ADAMTS6: variants seen among roughly 807,000 people sequenced by gnomAD.
ADAMTS6 encodes the protein ADAM metallopeptidase with thrombospondin type 1 motif 6.
Under a neutral mutation model 144.3 loss-of-function variants are expected in ADAMTS6, and 23 were observed. The observed-to-expected ratio is 0.16, with a 90% CI of 0.11 to 0.23. The LOEUF (loss-of-function observed/expected upper bound fraction) is 0.23, where lower values mean the gene tolerates loss of function less well. ADAMTS6 is among the 10% of genes least tolerant of loss of function. ADAMTS6 has a pLI of 1.00. For synonymous variants in ADAMTS6, 444 were observed against 457.5 expected, an observed-to-expected ratio of 0.97 and a Z score of 0.38; for missense variants, 999 against 1,379.6, an observed-to-expected ratio of 0.72 and a Z score of 4.37.
chr5:65,450,157 G>C (rs963394316), intron 7 of ADAMTS6, among the ~76,000 whole-genome samples: 1 of 151,966 alleles, frequency 6.6e-6, no homozygotes, highest in Non-Finnish European at 1.5e-5. Flanking sequence ...GAATATTCCA[G>C]ACCACAAGAC....
chr5:65,323,712 G>A (rs955234047), intron 9 of ADAMTS6, among the ~76,000 whole-genome samples: 4 of 152,174 alleles, frequency 2.6e-5, no homozygotes, highest in Non-Finnish European at 1.5e-5. Context: ...CACGATGGTT[G>A]AACTAGTTTA....
chr5:65,370,396 G>C (rs113864982), intron 7 of ADAMTS6, among the ~76,000 whole-genome samples: 2 of 152,268 alleles, frequency 1.3e-5, no homozygotes, highest in East Asian at 3.9e-4. Context: ...GTCAGACAGC[G>C]CGCGCAGGTC....
intron 7 of ADAMTS6, among the ~76,000 whole-genome samples, chr5:65,379,542 C>CAT (rs1255371031): frequency 5.9e-5 from 9 of 152,172 alleles, no homozygotes; most frequent in African/African-American, 2.2e-4. Context: ...TGCCTGTGTG[C>CAT]ATATTCTGTT....
chr5:65,416,118 G>T (rs769536199), intron 7 of ADAMTS6: 3 of 192,166 alleles, frequency 1.6e-5, no homozygotes, highest in Non-Finnish European at 3.3e-5. Context: ...GAAGGAGACT[G>T]TATTCACCAA....
At chr5:65,338,764 G>A (rs1363410677) in intron 7 of ADAMTS6, among the ~76,000 whole-genome samples, 2 of 152,176 alleles carry the variant, frequency 1.3e-5, no homozygotes, top group Non-Finnish European at 2.9e-5. Flanking sequence ...CCAGGCCTAA[G>A]AAACAGCCGT....
intron 14 of ADAMTS6, among the ~76,000 whole-genome samples, chr5:65,244,632 A>C (rs1029717781): frequency 6.6e-6 from 1 of 152,148 alleles, no homozygotes; most frequent in Non-Finnish European, 1.5e-5. Context: ...GGATCTTTAG[A>C]TATATTATCT....
In ADAMTS6 at chr5:65,235,537, G is replaced by A. The variant is rs190431590; in HGVS notation, c.1933+6567C>T. On this transcript the variant is annotated intron_variant, in intron 15 of 24. Transcript: ENST00000381055. ...GGCAGACCCACCCTTAATCTGGTTG[G>A]GCACAATCTAATCAGCTGCTAGCTA... Among the ~76,000 whole-genome samples, 290 of 152,146 alleles carry A rather than the reference G, an allele frequency of 1.9e-3. 2 individuals are homozygous for A. The highest frequency in any genetic ancestry group is 6.6e-3 in the African/African-American group (276 of 41,506).
intron 11 of ADAMTS6, among the ~76,000 whole-genome samples, chr5:65,277,750 C>T (rs1316099972): frequency 6.6e-6 from 1 of 152,100 alleles, no homozygotes; most frequent in East Asian, 1.9e-4. Flanking sequence ...AATCTCTATC[C>T]TTGTCTGCTA....
chr5:65,186,722 G>C (rs1454463858), intron 22 of ADAMTS6, among the ~76,000 whole-genome samples: 1 of 152,130 alleles, frequency 6.6e-6, no homozygotes, highest in African/African-American at 2.4e-5. Context: ...TAATACCAAG[G>C]ATATCTCTAC....
intron 7 of ADAMTS6, among the ~76,000 whole-genome samples, chr5:65,400,350 A>G (rs1207476495): frequency 2.0e-5 from 3 of 152,072 alleles, no homozygotes; most frequent in Admixed American, 2.0e-4. Context: ...AGCTGGGACT[A>G]TAGGTACACA....
intron 7 of ADAMTS6, among the ~76,000 whole-genome samples, chr5:65,352,265 T>C (rs941952724): frequency 6.7e-5 from 10 of 150,004 alleles, no homozygotes; most frequent in African/African-American, 2.4e-4. Context: ...ATCAGGAAGA[T>C]AGGCATAGAG....
rs369574109 is a variant in ADAMTS6, at chr5:65,188,178, A to G, written c.2748T>C (p.Asp916=). ...GDWLECSKTC[D]GGMRTRAVLC... ...GCACTGCCCTTGTGCGCATCCCACCATCACAAGTCTTGCTGCATTCCAACC... is the reference window on the plus strand; with the variant it reads ...GCACTGCCCTTGTGCGCATCCCACCGTCACAAGTCTTGCTGCATTCCAACC... The change falls in exon 22 of 25, where the codon GAT becomes GAC. Residue 916 remains aspartate (D), a synonymous_variant. Transcript: ENST00000381055. 4 of 1,614,010 alleles carry G rather than the reference A, an allele frequency of 2.5e-6. No homozygotes were observed. Among genetic ancestry groups the G allele is most frequent in the African/African-American group, 2.7e-5 (2 of 74,910 alleles).
At position 65,454,874 on chromosome 5, in the gene ADAMTS6, G is replaced by A. The variant is rs533954922; in HGVS notation, c.632-1956C>T. 7.2e-5 allele frequency among the ~76,000 whole-genome samples: 11 copies of A among 152,286 alleles called. 1 individual carries two copies. Among genetic ancestry groups the A allele is most frequent in the African/African-American group, 2.6e-4 (11 of 41,554 alleles). ...CAGATGAGAATTCAGCCCTGGTTGA[G>A]GTTAAGCAGATGACCCATCCATGCA... On this transcript the variant is annotated intron_variant, in intron 4 of 24. Coordinates refer to ENST00000381055, the MANE Select transcript of ADAMTS6 (RefSeq NM_197941.4).
intron 12 of ADAMTS6, among the ~76,000 whole-genome samples, chr5:65,271,243 C>T (rs1436404721): frequency 1.3e-5 from 2 of 151,824 alleles, no homozygotes; most frequent in African/African-American, 4.8e-5. Flanking sequence ...CAAAAATTAG[C>T]TGGGCATGGT....
intron 20 of ADAMTS6, among the ~76,000 whole-genome samples, chr5:65,204,117 A>G (rs1237544080): frequency 6.6e-6 from 1 of 152,224 alleles, no homozygotes; most frequent in Non-Finnish European, 1.5e-5. Flanking sequence ...TTCACATTAG[A>G]GAAAATGCAA....
In ADAMTS6 at chr5:65,345,431, T is replaced by C. The variant is rs1007284938; in HGVS notation, c.1074-11346A>G. ...TTTAATATAGTATTGCCTTGGTAAA[T>C]AGATAATGGAATATGTTTGATTCAC... On this transcript the variant is annotated intron_variant, in intron 7 of 24. Transcript: ENST00000381055. Among the ~76,000 whole-genome samples the C allele has an allele frequency of 4.0e-5, 6 of 151,708 alleles. 1 individual carries two copies. The highest frequency in any genetic ancestry group is 2.0e-4 in the Admixed American group (3 of 15,220).
At chr5:65,196,520 C>T (rs536721057) in intron 21 of ADAMTS6, among the ~76,000 whole-genome samples, 1 of 9,918 alleles carries the variant, frequency 1.0e-4, no homozygotes, top group Admixed American at 1.9e-3. Context: ...GAGACTCCGT[C>T]TCAAAAAAAA....
At chr5:65,238,593 C>T (rs1188690258) in intron 15 of ADAMTS6, among the ~76,000 whole-genome samples, 1 of 150,020 alleles carries the variant, frequency 6.7e-6, no homozygotes, top group Non-Finnish European at 1.5e-5. Context: ...GAACCAGACC[C>T]TGTCTCAAAA....
chr5:65,313,128 AACACACAC>A lies in ADAMTS6; in HGVS notation c.1224-13005_1224-12998del, dbSNP rs61525269. 5.9e-3 allele frequency among the ~76,000 whole-genome samples: 803 copies of A among 135,822 alleles called. 4 individuals carry two copies. Among genetic ancestry groups the A allele is most frequent in the African/African-American group, 0.015 (574 of 38,150 alleles). The allele number at this position is 135,822 out of a possible 152,430, so 89.1% of individuals were successfully genotyped here. A position where few individuals can be genotyped will look rare whatever the true frequency, so the allele number is the denominator to read the frequency against. On this transcript the variant is annotated intron_variant, in intron 9 of 24. Transcript: ENST00000381055. ...ATTTCAGTAGTTTTATTATTTCTGC[AACACACAC>A]ACACACACACACACACACACACACA...
Sources: allele counts gnomAD v4.1 joint callset (sites outside exome capture counted in the v4.1 genomes callset), GRCh38; gene constraint gnomAD v4.1.1; transcripts MANE v1.5; gene names NCBI Gene and HGNC (gene_info 2026-07-23, HGNC 2026-07-21).